The following ASIC2 variants were observed in gnomAD, a reference collection of about 807,000 sequenced individuals.
ASIC2 encodes the protein acid sensing ion channel subunit 2, also known as acid-sensing ion channel 2.
In ASIC2, 25 loss-of-function variants were observed where a neutral mutation model predicts 57.3. The observed-to-expected ratio is 0.44, with a 90% CI of 0.32 to 0.61. ASIC2 has a LOEUF of 0.61. ASIC2 is among the 20% of genes least tolerant of loss of function. The pLI, the probability that ASIC2 is intolerant of heterozygous loss-of-function variation, is 0.06. For missense variants in ASIC2, 641 were observed against 738.1 expected, an observed-to-expected ratio of 0.87 and a Z score of 1.52; for synonymous variants, 319 against 307.5, an observed-to-expected ratio of 1.04 and a Z score of -0.39.
chr17:33,771,453 C>T (rs1911107460), intron 1 of ASIC2, among the ~76,000 whole-genome samples: 1 of 152,204 alleles, frequency 6.6e-6, no homozygotes, highest in Non-Finnish European at 1.5e-5. Context: ...TGTCTTCTTT[C>T]CATCTCCTCC....
intron 1 of ASIC2, among the ~76,000 whole-genome samples, chr17:33,117,241 C>T (rs564801259): frequency 5.9e-5 from 9 of 152,038 alleles, no homozygotes; most frequent in East Asian, 1.9e-4. Flanking sequence ...GGCATGATCT[C>T]GGCTCACTAC....
intron 1 of ASIC2, among the ~76,000 whole-genome samples, chr17:33,729,073 A>G (rs1909654224): frequency 6.6e-6 from 1 of 152,180 alleles, no homozygotes; most frequent in South Asian, 2.1e-4. Context: ...TTGTGTCACT[A>G]TGAAGAAATA....
chr17:34,112,815 C>T (rs1306313950), intron 1 of ASIC2, among the ~76,000 whole-genome samples: 2 of 152,134 alleles, frequency 1.3e-5, no homozygotes, highest in Non-Finnish European at 2.9e-5. Context: ...ATTTCTCTAG[C>T]TTCAATATTG....
At chr17:33,138,554 C>T (rs77560141) in intron 1 of ASIC2, among the ~76,000 whole-genome samples, 19 of 152,276 alleles carry the variant, frequency 1.2e-4, no homozygotes, top group South Asian at 1.0e-3. Context: ...GACCATTGCC[C>T]GTGGATTTTT....
chr17:33,071,697 T>C (rs2092070024), intron 3 of ASIC2, among the ~76,000 whole-genome samples: 1 of 152,240 alleles, frequency 6.6e-6, no homozygotes, highest in South Asian at 2.1e-4. Flanking sequence ...TTGAGCTTTG[T>C]TCTGGAACAC....
In ASIC2 at chr17:33,149,389, T is replaced by C. The variant is rs190598535; in HGVS notation, c.709-37322A>G. Among the ~76,000 whole-genome samples the C allele has an allele frequency of 1.2e-4, 18 of 152,344 alleles. No individual in the cohort carries two copies. The East Asian group carries it at 3.5e-3, about 29-fold the overall frequency. ...CCTGAATAGTTTTTTAAAGTATAACTTTCAGCCATTATAAAACTATGTTCT... is the reference window on the plus strand; with the variant it reads ...CCTGAATAGTTTTTTAAAGTATAACCTTCAGCCATTATAAAACTATGTTCT... On this transcript the variant is annotated intron_variant, in intron 1 of 9. Coordinates refer to ENST00000225823, the MANE Select transcript of ASIC2 (RefSeq NM_183377.2).
In ASIC2 at chr17:33,551,751, C is replaced by T. The variant is rs17782645; in HGVS notation, c.556-439684G>A. Among the ~76,000 whole-genome samples, 1,083 of 152,268 alleles carry T rather than the reference C, an allele frequency of 7.1e-3. 9 individuals carry two copies. The highest frequency in any genetic ancestry group is 0.012 in the Non-Finnish European group (814 of 68,018). ...GATGCCATAGCCATCAGGATCCCTT[C>T]GATGTAAAAGCCAGATATTGTCCTC... On this transcript the variant is annotated intron_variant, in intron 1 of 9. Transcript: ENST00000359872.
chr17:33,728,413 T>G (rs1298768699), intron 1 of ASIC2, among the ~76,000 whole-genome samples: 1 of 152,204 alleles, frequency 6.6e-6, no homozygotes, highest in Non-Finnish European at 1.5e-5. Flanking sequence ...GCTTCTGTGA[T>G]CTTGTTTTAA....
intron 3 of ASIC2, among the ~76,000 whole-genome samples, chr17:33,068,146 G>T (rs958596310): frequency 2.6e-5 from 4 of 152,116 alleles, no homozygotes; most frequent in African/African-American, 9.7e-5. Context: ...CTGGACCTGG[G>T]GGGGTGGAAG....
intron 2 of ASIC2, among the ~76,000 whole-genome samples, chr17:33,095,419 G>A (rs1264470378): frequency 6.6e-6 from 1 of 152,190 alleles, no homozygotes; most frequent in Admixed American, 6.5e-5. Flanking sequence ...TGGGGACAGG[G>A]TCAATGTTCA....
At chr17:33,253,070 G>C (rs1597652074) in intron 1 of ASIC2, among the ~76,000 whole-genome samples, 1 of 152,306 alleles carries the variant, frequency 6.6e-6, no homozygotes, top group East Asian at 1.9e-4. Flanking sequence ...TAATGCCTTT[G>C]TTTGCTAGGT....
intron 1 of ASIC2, among the ~76,000 whole-genome samples, chr17:33,560,746 C>T (rs1442773606): frequency 6.6e-6 from 1 of 152,196 alleles, no homozygotes; most frequent in Admixed American, 6.5e-5. Context: ...TGAGGGCAGA[C>T]TGCTTGGGGC....
intron 1 of ASIC2, among the ~76,000 whole-genome samples, chr17:33,631,329 T>TC (rs1906161896): frequency 6.6e-6 from 1 of 151,694 alleles, no homozygotes; most frequent in South Asian, 2.1e-4. Flanking sequence ...GTGATTTTTT[T>TC]TTTTTTTTTT....
At chr17:33,952,597 C>T (rs1172215524) in intron 1 of ASIC2, among the ~76,000 whole-genome samples, 2 of 152,102 alleles carry the variant, frequency 1.3e-5, no homozygotes, top group Non-Finnish European at 2.9e-5. Flanking sequence ...CTGAACTCGT[C>T]CAAATACAGC....
intron 1 of ASIC2, among the ~76,000 whole-genome samples, chr17:33,482,971 A>C (rs1171063583): frequency 2.0e-5 from 3 of 152,182 alleles, no homozygotes; most frequent in African/African-American, 7.2e-5. Context: ...ATCTGCTCAC[A>C]TGACTAAAAA....
chr17:34,062,501 A>G (rs1909003952), intron 1 of ASIC2, among the ~76,000 whole-genome samples: 1 of 152,184 alleles, frequency 6.6e-6, no homozygotes, highest in Admixed American at 6.5e-5. Context: ...ATCCAGTAGA[A>G]GAAAGTAAAT....
intron 1 of ASIC2, among the ~76,000 whole-genome samples, chr17:34,115,755 A>C (rs899929323): frequency 3.3e-5 from 5 of 152,148 alleles, no homozygotes; most frequent in Admixed American, 1.3e-4. Context: ...AGGATGTGGC[A>C]CTTAGAATTT....
chr17:33,145,991 G>A (rs1904544591), intron 1 of ASIC2, among the ~76,000 whole-genome samples: 1 of 152,228 alleles, frequency 6.6e-6, no homozygotes, highest in African/African-American at 2.4e-5. Flanking sequence ...GGAGGCAAAA[G>A]TGTTCAGAAT....
intron 3 of ASIC2, among the ~76,000 whole-genome samples, chr17:33,046,390 T>C (rs1433032627): frequency 6.6e-6 from 1 of 152,236 alleles, no homozygotes; most frequent in Non-Finnish European, 1.5e-5. Context: ...CACATCTCAA[T>C]GCATTTGCTG....
Sources: allele counts gnomAD v4.1 joint callset (sites outside exome capture counted in the v4.1 genomes callset), GRCh38; gene constraint gnomAD v4.1.1; transcripts MANE v1.5; gene names NCBI Gene and HGNC (gene_info 2026-07-23, HGNC 2026-07-21).